The following RPL39L variants were observed in gnomAD, a reference collection of about 807,000 sequenced individuals.
RPL39L encodes the protein ribosomal protein L39 like.
For missense variants in RPL39L, 48 were observed against 58.9 expected (o/e 0.81, Z 0.61); for synonymous variants, 16 against 20.1 (o/e 0.80, Z 0.55).
chr3:187,133,775 C>T (rs554253343), intron 1 of RPL39L, among the ~76,000 whole-genome samples: 62 of 152,214 alleles, frequency 4.1e-4, no homozygotes, highest in African/African-American at 1.1e-3. Flanking sequence ...ATCCCTCTAG[C>T]ACGCTACCCT....
At chr3:187,124,510 T>C (rs1006485878) in intron 2 of RPL39L, among the ~76,000 whole-genome samples, 1 of 152,214 alleles carries the variant, frequency 6.6e-6, no homozygotes, top group East Asian at 1.9e-4. Context: ...AGAAAGATGA[T>C]ATATCCCTAA....
chr3:187,127,017 T>C (rs989427787), intron 2 of RPL39L, among the ~76,000 whole-genome samples: 8 of 152,094 alleles, frequency 5.3e-5, no homozygotes, highest in African/African-American at 1.9e-4. Flanking sequence ...CAAAAGCAAA[T>C]ATGTGTGATC....
At chr3:187,124,941 C>T (rs1720373612) in intron 2 of RPL39L, among the ~76,000 whole-genome samples, 2 of 152,188 alleles carry the variant, frequency 1.3e-5, no homozygotes, top group Admixed American at 6.5e-5. Flanking sequence ...TGAGCAACCT[C>T]AGCAATCAGT....
At chr3:187,138,509 G>C (rs531625677) in intron 1 of RPL39L, among the ~76,000 whole-genome samples, 10 of 152,216 alleles carry the variant, frequency 6.6e-5, no homozygotes, top group Non-Finnish European at 1.2e-4. Flanking sequence ...GGAAAAGAAA[G>C]TGTTTGCGCC....
intron 2 of RPL39L, among the ~76,000 whole-genome samples, chr3:187,122,429 G>C (rs1321715175): frequency 3.3e-5 from 5 of 152,000 alleles, no homozygotes; most frequent in African/African-American, 1.2e-4. Flanking sequence ...GTGGTAGTGT[G>C]CAAAAAGTAT....
rs78719817 is a variant in RPL39L, at chr3:187,129,409, T to C, written c.-92-1347A>G. Among the ~76,000 whole-genome samples, 1,284 of 152,320 alleles carry C rather than the reference T, an allele frequency of 8.4e-3. 11 individuals are homozygous for C. Among genetic ancestry groups the C allele is most frequent in the Non-Finnish European group, 0.015 (1,000 of 68,020 alleles). ...AGTCTTCTCTGGGATCACTTCGATTTAGAAAGTAATAATCACTTTTTTAAA... is the reference window on the plus strand; with the variant it reads ...AGTCTTCTCTGGGATCACTTCGATTCAGAAAGTAATAATCACTTTTTTAAA... On this transcript the variant is annotated intron_variant, in intron 1 of 2. Transcript: ENST00000296277.
At chr3:187,126,164 C>CTT (rs201902572) in intron 2 of RPL39L, among the ~76,000 whole-genome samples, 5 of 140,612 alleles carry the variant, frequency 3.6e-5, no homozygotes, top group Non-Finnish European at 6.2e-5. Context: ...CTATTGGTTT[C>CTT]TTTTTTTTTT....
chr3:187,126,786 T>A (rs1720404191), intron 2 of RPL39L, among the ~76,000 whole-genome samples: 1 of 151,794 alleles, frequency 6.6e-6, no homozygotes, highest in Non-Finnish European at 1.5e-5. Flanking sequence ...TTTGACAGCA[T>A]TTCAGAGTAC....
At chr3:187,121,547 G>A (rs1720310134) in intron 2 of RPL39L, among the ~76,000 whole-genome samples, 1 of 152,176 alleles carries the variant, frequency 6.6e-6, no homozygotes, top group Admixed American at 6.5e-5. Flanking sequence ...AAAGGCAGGA[G>A]TCCCTTTGTT....
At chr3:187,130,879 A>G (rs781082280) in intron 1 of RPL39L, among the ~76,000 whole-genome samples, 3 of 152,062 alleles carry the variant, frequency 2.0e-5, no homozygotes, top group Non-Finnish European at 2.9e-5. Flanking sequence ...TTTTTGTAGC[A>G]CTTCCGCTGT....
Position 187,139,249 on chromosome 3 carries a change from C to A in RPL39L, c.-129G>T, listed in dbSNP as rs1037407204. ...CCTCTGCTTTTTTCCCACTCTAGGA[C>A]GCAAATCTCGATCTGCAAGGGCCTG... On this transcript the variant is annotated 5_prime_UTR_variant, in exon 1 of 3. Transcript: ENST00000296277. 5.9e-5 allele frequency: 9 copies of A among 152,334 alleles called. No individual in the cohort carries two copies. Among genetic ancestry groups the A allele is most frequent in the African/African-American group, 2.2e-4 (9 of 41,418 alleles). The allele number at this position is 152,334 out of a possible 1,614,324, so 9.4% of individuals were successfully genotyped here.
At chr3:187,134,990 G>C (rs189109437) in intron 1 of RPL39L, among the ~76,000 whole-genome samples, 3 of 152,376 alleles carry the variant, frequency 2.0e-5, no homozygotes, top group Admixed American at 6.5e-5. Flanking sequence ...CATGTTGGGT[G>C]AAAGGGAAGC....
intron 1 of RPL39L, among the ~76,000 whole-genome samples, chr3:187,131,600 A>C (rs1439749611): frequency 6.6e-6 from 1 of 152,220 alleles, no homozygotes; most frequent in Non-Finnish European, 1.5e-5. Flanking sequence ...CACAGGCTCA[A>C]GTCTCACTGC....
At chr3:187,123,573 ATT>A (rs1299514197) in intron 2 of RPL39L, among the ~76,000 whole-genome samples, 1 of 152,188 alleles carries the variant, frequency 6.6e-6, no homozygotes, top group Non-Finnish European at 1.5e-5. Context: ...ATCAGTGACT[ATT>A]TGGCTCCAAC....
chr3:187,123,779 G>A (rs1186453825), intron 2 of RPL39L, among the ~76,000 whole-genome samples: 1 of 152,150 alleles, frequency 6.6e-6, no homozygotes, highest in Non-Finnish European at 1.5e-5. Flanking sequence ...AGGACAAATA[G>A]TTTACTGTAC....
intron 1 of RPL39L, among the ~76,000 whole-genome samples, chr3:187,128,647 C>T (rs895175888): frequency 1.2e-4 from 19 of 152,152 alleles, no homozygotes; most frequent in Admixed American, 5.9e-4. Context: ...ATAGCTGGGA[C>T]TACAGGTTAT....
At chr3:187,129,228 G>A (rs1033906209) in intron 1 of RPL39L, among the ~76,000 whole-genome samples, 2 of 152,142 alleles carry the variant, frequency 1.3e-5, no homozygotes, top group Admixed American at 6.5e-5. Context: ...TGATAAGCTC[G>A]CTTCCTGAGC....
chr3:187,121,247 CTTT>C lies in RPL39L; in HGVS notation c.51_53del (p.Lys18del). 1 of 1,613,928 alleles carries C rather than the reference CTTT, an allele frequency of 6.2e-7. No homozygotes were observed. Among genetic ancestry groups the C allele is most frequent in the Non-Finnish European group, 8.5e-7 (1 of 1,179,860 alleles). On this transcript the variant is annotated inframe_deletion, in exon 3 of 3. Transcript: ENST00000296277. The stretch of plus-strand genomic sequence containing the variant: ...TCCACTGGGGGATGGGACGATTTTG[CTTT>C]TGTTTCTTGGCCAGGAATCGCTTAA...
At chr3:187,134,428 AAG>A (rs1720537449) in intron 1 of RPL39L, among the ~76,000 whole-genome samples, 1 of 150,934 alleles carries the variant, frequency 6.6e-6, no homozygotes, top group Non-Finnish European at 1.5e-5. Flanking sequence ...TCATACGACA[AAG>A]AATTATCCAG....
Sources: gnomAD v4.1 joint callset for allele counts (sites outside exome capture counted in the v4.1 genomes callset) on GRCh38, gnomAD v4.1.1 for gene constraint, MANE v1.5 for transcripts, NCBI Gene and HGNC (gene_info 2026-07-23, HGNC 2026-07-21) for gene names.